Variants in AIM2 observed in about 807,000 individuals in gnomAD.
AIM2 encodes the protein absent in melanoma 2, also known as interferon-inducible protein AIM2.
AIM2 carries 30 observed loss-of-function variants against 27.7 expected under a neutral mutation model. That is an observed-to-expected ratio of 1.08 (90% confidence interval 0.81 to 1.47). The LOEUF is 1.47. AIM2 is among the 40% of genes most tolerant of loss of function. The pLI is 0.00. For missense variants in AIM2, 358 were observed against 411.3 expected (o/e 0.87, Z 1.12); for synonymous variants, 141 against 145.3 (o/e 0.97, Z 0.21).
chr1:159,058,767 A>G (rs939382370), downstream of AIM2, among the ~76,000 whole-genome samples: 3 of 152,102 alleles, frequency 2.0e-5, no homozygotes, highest in Non-Finnish European at 4.4e-5. Context: ...TCCTTATCAC[A>G]TGGCCATGAA....
intron 1 of AIM2, among the ~76,000 whole-genome samples, chr1:159,110,365 T>A (rs980939011): frequency 2.6e-5 from 4 of 152,154 alleles, no homozygotes; most frequent in Admixed American, 6.5e-5. Flanking sequence ...GAGAAAAAAA[T>A]CTGAGCTATC....
intron 3 of AIM2, among the ~76,000 whole-genome samples, 155 bp from the exon 4 acceptor site, chr1:159,066,484 T>C (rs1656104692): frequency 6.6e-6 from 1 of 152,198 alleles, no homozygotes; most frequent in African/African-American, 2.4e-5. Context: ...AGTTGAGGCC[T>C]AGAACGATCC....
rs564521851 is a variant in AIM2, at chr1:159,068,699, C to CAACT, written c.263-2_264dup (p.Asp89SerfsTer2). 6.2e-6 allele frequency: 10 copies of CAACT among 1,612,760 alleles called. No homozygotes were observed. The highest frequency in any genetic ancestry group is 8.5e-6 in the Non-Finnish European group (10 of 1,179,514). ...TTTGTTACCGATTTGTATTGCTTAT[C>CAACT]AACTGATTAAAAAATGAAAGACATG... On this transcript the variant is annotated frameshift_variant and splice_region_variant, in exon 3 of 6. Coordinates refer to ENST00000368130, the MANE Select transcript of AIM2 (RefSeq NM_004833.3). LOFTEE classifies it high-confidence loss of function.
chr1:159,095,855 G>T (rs1657170601), intron 1 of AIM2, among the ~76,000 whole-genome samples: 1 of 152,148 alleles, frequency 6.6e-6, no homozygotes, highest in Non-Finnish European at 1.5e-5. Context: ...CTTTATACTG[G>T]TGACTATGGA....
chr1:159,086,078 A>G (rs568773230), intron 1 of AIM2, among the ~76,000 whole-genome samples: 1 of 152,204 alleles, frequency 6.6e-6, no homozygotes, highest in Non-Finnish European at 1.5e-5. Context: ...AAAGAAGGAT[A>G]GGGCTCAGAT....
At chr1:159,110,831 G>A (rs1291595925) in intron 1 of AIM2, among the ~76,000 whole-genome samples, 1 of 152,186 alleles carries the variant, frequency 6.6e-6, no homozygotes, top group Non-Finnish European at 1.5e-5. Flanking sequence ...AGTGTCATCT[G>A]TTCACATTCC....
intron 1 of AIM2, among the ~76,000 whole-genome samples, chr1:159,074,749 A>G (rs1469634985): frequency 6.6e-6 from 1 of 152,196 alleles, no homozygotes. Flanking sequence ...TACAAAGTAC[A>G]TAAGAACATC....
chr1:159,106,406 T>C (rs894474513), intron 1 of AIM2, among the ~76,000 whole-genome samples: 2 of 152,270 alleles, frequency 1.3e-5, no homozygotes, highest in African/African-American at 4.8e-5. Context: ...GAATAGTTCA[T>C]GTCAGATGGT....
chr1:159,105,591 T>G (rs1322882131), intron 1 of AIM2, among the ~76,000 whole-genome samples: 7 of 152,066 alleles, frequency 4.6e-5, no homozygotes, highest in Non-Finnish European at 1.0e-4. Context: ...AGTGGGTAGC[T>G]CCTATACACA....
At chr1:159,060,033 C>T (rs1353027342), downstream of AIM2, among the ~76,000 whole-genome samples, 1 of 152,118 alleles carries the variant, frequency 6.6e-6, no homozygotes, top group Non-Finnish European at 1.5e-5. Context: ...ATTTTACAGA[C>T]CAGTTTGTAT....
intron 1 of AIM2, among the ~76,000 whole-genome samples, chr1:159,095,795 T>C (rs1401939025): frequency 6.6e-6 from 1 of 152,200 alleles, no homozygotes; most frequent in African/African-American, 2.4e-5. Context: ...AAGAGTTCCC[T>C]AAGAAGGTAA....
At position 159,093,020 on chromosome 1, in the gene AIM2, C is replaced by T. The variant is rs187105720; in HGVS notation, c.-15-26691G>A. ...CAGCCTCGGTGACAGAGTGACGCTCCGTCTCAAAATAAATAAATAAAAATA... is the reference window on the plus strand; with the variant it reads ...CAGCCTCGGTGACAGAGTGACGCTCTGTCTCAAAATAAATAAATAAAAATA... On this transcript the variant is annotated intron_variant, in intron 1 of 2. Transcript: ENST00000368129. Among the ~76,000 whole-genome samples the T allele has an allele frequency of 1.8e-3, 261 of 142,676 alleles. 1 individual carries two copies. Among genetic ancestry groups the T allele is most frequent in the African/African-American group, 5.7e-3 (223 of 39,190 alleles). The allele number at this position is 142,676 out of a possible 152,430, so 93.6% of individuals were successfully genotyped here.
intron 1 of AIM2, among the ~76,000 whole-genome samples, chr1:159,082,000 G>A (rs1425761766): frequency 6.6e-6 from 1 of 152,132 alleles, no homozygotes; most frequent in Non-Finnish European, 1.5e-5. Context: ...GTTTCCTAAT[G>A]TGGGAGCTTA....
chr1:159,073,147 C>CA, intron 2 of AIM2, 91 bp downstream of exon 2: 1 of 1,502,504 alleles, frequency 6.7e-7, no homozygotes, highest in South Asian at 1.2e-5. Flanking sequence ...CAACAATGTG[C>CA]ACTGGGGGTC....
intron 1 of AIM2, among the ~76,000 whole-genome samples, chr1:159,098,017 G>A (rs1657215962): frequency 6.6e-6 from 1 of 152,144 alleles, no homozygotes; most frequent in African/African-American, 2.4e-5. Flanking sequence ...AGTTGAGTCA[G>A]AATAAGCAAT....
chr1:159,070,722 G>C (rs1472562027), intron 2 of AIM2, among the ~76,000 whole-genome samples: 2 of 152,232 alleles, frequency 1.3e-5, no homozygotes, highest in African/African-American at 2.4e-5. Flanking sequence ...AGATCAGAAA[G>C]TGGTTGACTG....
chr1:159,058,895 C>A (rs972362302), downstream of AIM2, among the ~76,000 whole-genome samples: 10 of 152,066 alleles, frequency 6.6e-5, no homozygotes, highest in African/African-American at 2.4e-4. Flanking sequence ...CACTTCCCGC[C>A]TCACAGTTTG....
intron 4 of AIM2, among the ~76,000 whole-genome samples, chr1:159,064,142 A>T (rs1655976366): frequency 6.6e-6 from 1 of 152,234 alleles, no homozygotes; most frequent in Non-Finnish European, 1.5e-5. Context: ...TTATATGCAG[A>T]TTATCAACTG....
downstream of AIM2, among the ~76,000 whole-genome samples, chr1:159,058,893 G>A (rs1375391739): frequency 1.3e-5 from 2 of 152,060 alleles, no homozygotes; most frequent in Admixed American, 6.5e-5. Flanking sequence ...TGCACTTCCC[G>A]CCTCACAGTT....
Sources: allele counts gnomAD v4.1 joint callset (sites outside exome capture counted in the v4.1 genomes callset), GRCh38; gene constraint gnomAD v4.1.1; transcripts MANE v1.5; gene names NCBI Gene and HGNC (gene_info 2026-07-23, HGNC 2026-07-21).